The following CEACAM20 variants were observed in gnomAD, a reference collection of about 807,000 sequenced individuals.
The protein encoded by CEACAM20 is cell adhesion molecule CEACAM20.
CEACAM20 carries 50 observed loss-of-function variants against 61.2 expected under a neutral mutation model. The ratio of observed to expected loss-of-function variants is 0.82; its 90% CI spans 0.65 to 1.03. The LOEUF (loss-of-function observed/expected upper bound fraction) is 1.03. CEACAM20 is among the 50% of genes least tolerant of loss of function. The probability of loss-of-function intolerance (pLI) is 0.00; values close to 1 mark genes in which losing one functional copy is unlikely to be tolerated. For missense variants in CEACAM20, 683 were observed against 736.4 expected, an observed-to-expected ratio of 0.93 and a Z score of 0.84; for synonymous variants, 282 against 287.7, an observed-to-expected ratio of 0.98 and a Z score of 0.20.
Position 44,522,927 on chromosome 19 carries a change from A to G in CEACAM20, c.473-15T>C. ...ATCAGGACCATCTGAGAGGACAGGA[A>G]CAATTACAGCAGTAACAACAGCATC... On this transcript the variant is annotated splice_polypyrimidine_tract_variant and intron_variant, in intron 3 of 11. Coordinates refer to ENST00000614924, the MANE Select transcript of CEACAM20 (RefSeq NM_001102597.3). The G allele has an allele frequency of 1.3e-6, 2 of 1,590,848 alleles. No individual in the cohort carries two copies. The highest frequency in any genetic ancestry group is 1.1e-5 in the South Asian group (1 of 87,254).
intron 11 of CEACAM20, among the ~76,000 whole-genome samples, chr19:44,508,562 G>A (rs371691023): frequency 2.0e-5 from 3 of 152,136 alleles, no homozygotes; most frequent in Non-Finnish European, 2.9e-5. Context: ...GCTAATTTTT[G>A]TATTTTCAGT....
intron 1 of CEACAM20, among the ~76,000 whole-genome samples, chr19:44,528,201 C>T (rs1971593556): frequency 6.9e-6 from 1 of 145,626 alleles, no homozygotes. Context: ...TCTTTCCTTT[C>T]TTTCTCTCTC....
At position 44,520,623 on chromosome 19, in the gene CEACAM20, A is replaced by G; in HGVS notation, c.881T>C (p.Leu294Pro). Residue 294 changes from leucine (L) to proline (P), a missense_variant, in exon 5 of 12, where the codon CTC becomes CCC. By Grantham distance (98) the Leu-to-Pro change is moderately conservative. Coordinates refer to ENST00000614924, the MANE Select transcript of CEACAM20 (RefSeq NM_001102597.3). ...CAGCTGCAGGTGCTCACTGGGCAGG[A>G]GGGGCTGGCCACTTAGGAACCACTG... ...NVQWFLSGQP[L>P]LPSEHLQLSA... 1 of 1,613,922 alleles carries G rather than the reference A, an allele frequency of 6.2e-7. No individual in the cohort carries two copies.
chr19:44,507,396 T>G (rs1970849880), intron 11 of CEACAM20, among the ~76,000 whole-genome samples: 1 of 152,226 alleles, frequency 6.6e-6, no homozygotes, highest in Non-Finnish European at 1.5e-5. Context: ...AATCTGATTC[T>G]TCTATGGAGA....
chr19:44,522,613 G>A, intron 4 of CEACAM20, 21 bp downstream of exon 4: 1 of 1,606,468 alleles, frequency 6.2e-7, no homozygotes, highest in Non-Finnish European at 8.5e-7. Context: ...TGAAGGAGAG[G>A]AACCGGGAAA....
intron 6 of CEACAM20, 127 bp from the exon 7 acceptor site, chr19:44,513,416 G>A: frequency 1.7e-6 from 1 of 584,922 alleles, no homozygotes; most frequent in Non-Finnish European, 3.0e-6. Context: ...GTCGTTGGGA[G>A]GTATCAGATT....
rs1568457192 is a variant in CEACAM20 at position 44,522,871 on chromosome 19, C to G, written c.514G>C (p.Ala172Pro). The change falls in exon 4 of 12, where the codon GCC (alanine) becomes CCC (proline). Residue 172 changes from alanine to proline, a missense_variant. Ala to Pro is a conservative substitution (Grantham distance 27). Transcript: ENST00000614924. ...PVEIKLESGV[A>P]SGEVVEVMEG... ...ATCACCTCAACCACCTCCCCACTGG[C>G]AACACCAGACTCCAATTTGATTTCA... 6.2e-7 allele frequency: 1 copy of G among 1,608,272 alleles called. No individual in the cohort carries two copies.
chr19:44,525,449 T>C (rs532914092), intron 1 of CEACAM20, among the ~76,000 whole-genome samples: 4 of 152,114 alleles, frequency 2.6e-5, no homozygotes, highest in South Asian at 2.1e-4. Flanking sequence ...TGTGTTTTTG[T>C]TTTTGTTTTT....
Position 44,506,192 on chromosome 19 carries a change from T to A in CEACAM20, c.1760A>T (p.Asn587Ile). 1 of 1,613,870 alleles carries A rather than the reference T, an allele frequency of 6.2e-7. No homozygotes were observed. The highest frequency in any genetic ancestry group is 8.5e-7 in the Non-Finnish European group (1 of 1,179,820). Residue 587 changes from asparagine to isoleucine, a missense_variant, in exon 12 of 12, where the codon AAC (asparagine) becomes ATC (isoleucine). Asn to Ile is a moderately radical substitution (Grantham distance 149). Coordinates refer to ENST00000614924, the MANE Select transcript of CEACAM20 (RefSeq NM_001102597.3). ...GGAGGGGTTGATTTGGATGTAAGTGTTGGGCTCTGGATTCACAAGCTCCTG... is the reference window on the plus strand; with the variant it reads ...GGAGGGGTTGATTTGGATGTAAGTGATGGGCTCTGGATTCACAAGCTCCTG... ...IYEELVNPEP[N>I]TYIQINPSV is the part of the protein sequence containing the mutation.
chr19:44,523,409 AAATGAATGAATGAATGAATG>A (rs147633867), intron 3 of CEACAM20, among the ~76,000 whole-genome samples: 1 of 149,792 alleles, frequency 6.7e-6, no homozygotes, highest in Non-Finnish European at 1.5e-5. Context: ...ATCTTGTCTC[AAATGAATGAATGAATGAATG>A]AATGAATGAA....
chr19:44,508,427 T>C (rs1387711409), intron 11 of CEACAM20, among the ~76,000 whole-genome samples: 2 of 152,250 alleles, frequency 1.3e-5, no homozygotes, highest in African/African-American at 4.8e-5. Context: ...TCTTGTTCTG[T>C]TGCCCAGGCT....
At chr19:44,510,884 A>G (rs1195182912) in intron 11 of CEACAM20, 146 bp downstream of exon 11, 2 of 900,482 alleles carry the variant, frequency 2.2e-6, no homozygotes, top group Non-Finnish European at 3.3e-6. Context: ...AAATGACATG[A>G]TGGAAATGGA....
chr19:44,508,049 G>C (rs990371987), intron 11 of CEACAM20, among the ~76,000 whole-genome samples: 6 of 152,172 alleles, frequency 3.9e-5, no homozygotes, highest in African/African-American at 1.4e-4. Flanking sequence ...CTTGAAGCCT[G>C]TCAGACACTA....
In CEACAM20 at chr19:44,524,246, G is replaced by C; in HGVS notation, c.212C>G (p.Ser71Cys). 8.1e-6 allele frequency: 13 copies of C among 1,613,280 alleles called. No individual in the cohort carries two copies. Among genetic ancestry groups the C allele is most frequent in the Non-Finnish European group, 1.1e-5 (13 of 1,179,448 alleles). ...HGRSRELAKP[S>C]IAVSPGTAIE... is the part of the protein sequence containing the mutation. ...GGCAGTGCCTGGGCTGACTGCAATG[G>C]AGGGTTTGGCCAGCTCTGAAAGCAA... The change falls in exon 3 of 12, where the codon TCC becomes TGC. Residue 71 changes from serine to cysteine, a missense_variant. Ser to Cys is a moderately radical substitution (Grantham distance 112). Coordinates refer to ENST00000614924, the MANE Select transcript of CEACAM20 (RefSeq NM_001102597.3).
rs371754410 is a variant in CEACAM20 at position 44,520,755 on chromosome 19, G to A, written c.752-3C>T. The A allele has an allele frequency of 2.2e-5, 35 of 1,610,332 alleles. No homozygotes were observed. Among genetic ancestry groups the A allele is most frequent in the Non-Finnish European group, 3.0e-5 (35 of 1,178,208 alleles). On this transcript the variant is annotated splice_polypyrimidine_tract_variant and splice_region_variant and intron_variant, in intron 4 of 11. Transcript: ENST00000614924. ...GACTTGAGGCATGGTCAGTGTTTCT[G>A]GAAACACGTGGAGATACACAGTCAG...
chr19:44,525,114 A>G lies in CEACAM20; in HGVS notation c.183T>C (p.His61=). The change falls in exon 2 of 12, where the codon CAT becomes CAC. Residue 61 remains histidine, a synonymous_variant. Coordinates refer to ENST00000614924, the MANE Select transcript of CEACAM20 (RefSeq NM_001102597.3). ...TCTGGCCCCTACCTCTGGATCTGCC[A>G]TGAATCTGGGGTGTCCTGGGGGTCC... The part of the protein sequence containing the change: ...VFGTPRTPQI[H]GRSRELAKPS... 1 of 1,611,382 alleles carries G rather than the reference A, an allele frequency of 6.2e-7. No homozygotes were observed. The highest frequency in any genetic ancestry group is 2.2e-5 in the East Asian group (1 of 44,662).
intron 5 of CEACAM20, among the ~76,000 whole-genome samples, chr19:44,517,486 A>G (rs1283714473): frequency 1.3e-5 from 2 of 152,096 alleles, no homozygotes; most frequent in Non-Finnish European, 2.9e-5. Flanking sequence ...TCACGAGGTC[A>G]GGAGATCGAG....
At chr19:44,510,547 GGAAAGAAAGAAAGAAAGAAAGAAA>G (rs770702249) in intron 11 of CEACAM20, among the ~76,000 whole-genome samples, 18 of 52,796 alleles carry the variant, frequency 3.4e-4, no homozygotes, top group South Asian at 1.6e-3. Flanking sequence ...AAGGAAGGAA[GGAAAGAAAGAAAGAAAGAAAGAAA>G]GAAAGAAAGA....
intron 5 of CEACAM20, among the ~76,000 whole-genome samples, chr19:44,518,164 A>AGAGAGAGAGAGAG: frequency 1.6e-5 from 1 of 62,996 alleles, no homozygotes; most frequent in African/African-American, 6.4e-5. Flanking sequence ...GGAAGGAAGG[A>AGAGAGAGAGAGAG]AGGAAGAAAG....
Sources: allele counts gnomAD v4.1 joint callset (sites outside exome capture counted in the v4.1 genomes callset), GRCh38; gene constraint gnomAD v4.1.1; transcripts MANE v1.5; gene names NCBI Gene and HGNC (gene_info 2026-07-23, HGNC 2026-07-21).